RALGAPB: variants seen among roughly 807,000 people sequenced by gnomAD.
RALGAPB encodes the protein Ral GTPase activating protein non-catalytic subunit beta, also known as ral GTPase-activating protein subunit beta.
RALGAPB carries 25 observed loss-of-function variants against 161.1 expected under a neutral mutation model. The ratio of observed to expected loss-of-function variants is 0.16; its 90% CI spans 0.11 to 0.22. The LOEUF (loss-of-function observed/expected upper bound fraction) is 0.22, where lower values mean the gene tolerates loss of function less well. RALGAPB is among the 10% of genes least tolerant of loss of function. The pLI is 1.00. For missense variants in RALGAPB, 1,391 were observed against 1,815.2 expected (o/e 0.77, Z 4.25); for synonymous variants, 629 against 626.1 (o/e 1.00, Z -0.07).
chr20:38,537,238 A>AC (rs2086833493), intron 16 of RALGAPB, among the ~76,000 whole-genome samples: 1 of 152,180 alleles, frequency 6.6e-6, no homozygotes, highest in Non-Finnish European at 1.5e-5. Context: ...AATTCAAAGG[A>AC]GAAAGGGTGG....
chr20:38,499,370 T>C, intron 4 of RALGAPB, 77 bp from the exon 5 acceptor site: 1 of 1,274,230 alleles, frequency 7.8e-7, no homozygotes, highest in Non-Finnish European at 1.1e-6. Flanking sequence ...TTTTGACCAG[T>C]TCTCCCAAAT....
At chr20:38,474,586 C>A (rs973628991) in intron 1 of RALGAPB, among the ~76,000 whole-genome samples, 3 of 152,098 alleles carry the variant, frequency 2.0e-5, no homozygotes, top group Non-Finnish European at 2.9e-5. Flanking sequence ...GCCTACATAC[C>A]CTTTTCTTCC....
chr20:38,548,256 C>G (rs1222895054), intron 19 of RALGAPB: 3 of 158,226 alleles, frequency 1.9e-5, no homozygotes, highest in African/African-American at 7.2e-5. Context: ...AACACTAACA[C>G]TGCAAACACC....
rs1460298980 is a variant in RALGAPB, at chr20:38,576,330, C to T, written c.*1363C>T. 2 of 152,638 alleles carry T rather than the reference C, an allele frequency of 1.3e-5. No individual in the cohort carries two copies. The highest frequency in any genetic ancestry group is 2.9e-5 in the Non-Finnish European group (2 of 68,066). 9.5% of individuals were successfully genotyped at this position (152,638 alleles called of 1,614,324 possible). ...TTCCCACTTGAACTCTGATGTCAGTCGACTGTGGGTCAGAGCTACAACCAT... is the reference window on the plus strand; with the variant it reads ...TTCCCACTTGAACTCTGATGTCAGTTGACTGTGGGTCAGAGCTACAACCAT... On this transcript the variant is annotated 3_prime_UTR_variant, in exon 30 of 30. Coordinates refer to ENST00000262879, the MANE Select transcript of RALGAPB (RefSeq NM_020336.4).
chr20:38,548,006 A>G (rs1324217270), intron 19 of RALGAPB: 1 of 152,216 alleles, frequency 6.6e-6, no homozygotes, highest in Non-Finnish European at 1.5e-5. Flanking sequence ...AGCAATTGGA[A>G]TTGTATAGAT....
At chr20:38,555,776 GT>G (rs992766175) in intron 22 of RALGAPB, among the ~76,000 whole-genome samples, 61 of 152,218 alleles carry the variant, frequency 4.0e-4, no homozygotes, top group African/African-American at 1.3e-3. Flanking sequence ...AAGTTACCTG[GT>G]TTATGAACCT....
intron 19 of RALGAPB, 104 bp from the exon 20 acceptor site, chr20:38,548,585 C>A: frequency 1.1e-6 from 1 of 877,552 alleles, no homozygotes; most frequent in Non-Finnish European, 1.8e-6. Context: ...GCTTAGGAAA[C>A]ACTGTTGGGC....
Position 38,553,978 on chromosome 20 carries a change from C to G in RALGAPB, c.3274C>G (p.Pro1092Ala). ...EELQKRSFPD[P>A]VTDCKPPPPA... ...ATTGCAGAAGAGAAGTTTTCCTGAC[C>G]CAGTTACGGATTGCAAGCCCCCGCC... Residue 1092 changes from proline to alanine, a missense_variant, in exon 22 of 30, where the codon CCA becomes GCA. Transcript: ENST00000262879. 6.2e-7 allele frequency: 1 copy of G among 1,613,424 alleles called. No individual in the cohort carries two copies. The highest frequency in any genetic ancestry group is 8.5e-7 in the Non-Finnish European group (1 of 1,179,572).
In RALGAPB at chr20:38,518,020, T is replaced by C; in HGVS notation, c.1417+20T>C. On this transcript the variant is annotated intron_variant, in intron 9 of 29. Transcript: ENST00000262879. Reference sequence around the variant, plus strand: ...TGACTGGTAAATATTACTCAAGAAATATGTTATCATTATTTTCCTTTTCCT... The same window carrying C: ...TGACTGGTAAATATTACTCAAGAAACATGTTATCATTATTTTCCTTTTCCT... 6.4e-7 allele frequency: 1 copy of C among 1,571,282 alleles called. No individual in the cohort carries two copies. Among genetic ancestry groups the C allele is most frequent in the African/African-American group, 1.4e-5 (1 of 74,038 alleles).
At chr20:38,490,502 C>T (rs1349455141) in intron 2 of RALGAPB, among the ~76,000 whole-genome samples, 1 of 149,040 alleles carries the variant, frequency 6.7e-6, no homozygotes, top group East Asian at 2.0e-4. Flanking sequence ...GCCACCGCGC[C>T]CGGCCTATTT....
Position 38,572,556 on chromosome 20 carries a change from C to T in RALGAPB, c.4143-1594C>T, listed in dbSNP as rs150073950. Among the ~76,000 whole-genome samples, 134 of 152,268 alleles carry T rather than the reference C, an allele frequency of 8.8e-4. 1 individual carries two copies. Among genetic ancestry groups the T allele is most frequent in the Non-Finnish European group, 6.6e-4 (45 of 68,026 alleles). ...TTTAAGTTCCTTTTAGTTATGTGAG[C>T]TGATTCAAATTGCATATAAGATGAA... On this transcript the variant is annotated intron_variant, in intron 28 of 29. Coordinates refer to ENST00000262879, the MANE Select transcript of RALGAPB (RefSeq NM_020336.4).
At chr20:38,473,122 T>C in intron 1 of RALGAPB, 53 bp downstream of exon 1, 1 of 337,892 alleles carries the variant, frequency 3.0e-6, no homozygotes, top group Non-Finnish European at 5.3e-6. Context: ...TCCTTCCCTC[T>C]CTTCCCCACC....
intron 5 of RALGAPB, among the ~76,000 whole-genome samples, chr20:38,507,579 C>CAT (rs1184333305): frequency 6.6e-6 from 1 of 152,084 alleles, no homozygotes; most frequent in African/African-American, 2.4e-5. Context: ...TTTTGCATAT[C>CAT]GCCCAGGCAG....
At position 38,575,221 on chromosome 20, in the gene RALGAPB, A is replaced by G; in HGVS notation, c.*254A>G. On this transcript the variant is annotated 3_prime_UTR_variant, in exon 30 of 30. Transcript: ENST00000262879. ...ATTTTAGCCATAAACTTTCTTTTAA[A>G]AGTGACAATTTTAGTTAAACATAAG... 1 of 386,624 alleles carries G rather than the reference A, an allele frequency of 2.6e-6. No individual in the cohort carries two copies. The highest frequency in any genetic ancestry group is 4.7e-5 in the South Asian group (1 of 21,404). 23.9% of individuals were successfully genotyped at this position (386,624 alleles called of 1,614,324 possible). A position where few individuals can be genotyped will look rare whatever the true frequency, so the allele number is the denominator to read the frequency against.
Position 38,516,581 on chromosome 20 carries a change from G to A in RALGAPB, c.1051+211G>A, listed in dbSNP as rs750604040. 5.9e-5 allele frequency: 30 copies of A among 505,018 alleles called. No individual in the cohort carries two copies. In the East Asian group the frequency reaches 9.8e-4, roughly 17 times the overall value. The allele number at this position is 505,018 out of a possible 1,614,324, so 31.3% of individuals were successfully genotyped here. A position where few individuals can be genotyped will look rare whatever the true frequency, so the allele number is the denominator to read the frequency against. ...TTTAGATTGGTGCAAAAGTAATTGC[G>A]GTTTTTGCCATTAAAAGTAATGCGG... On this transcript the variant is annotated intron_variant, in intron 7 of 29. Transcript: ENST00000262879.
chr20:38,487,554 GA>G (rs1568901946), intron 1 of RALGAPB, among the ~76,000 whole-genome samples: 2 of 152,236 alleles, frequency 1.3e-5, no homozygotes, highest in East Asian at 1.9e-4. Context: ...AGTTTAGTGC[GA>G]AAAGGATGTA....
At chr20:38,543,909 A>G (rs968555339) in intron 18 of RALGAPB, among the ~76,000 whole-genome samples, 6 of 152,184 alleles carry the variant, frequency 3.9e-5, no homozygotes, top group Non-Finnish European at 4.4e-5. Context: ...GTACCTGGTT[A>G]CATGTGATCC....
At position 38,551,093 on chromosome 20, in the gene RALGAPB, C is replaced by G. The variant is rs776593344; in HGVS notation, c.3032C>G (p.Pro1011Arg). The change falls in exon 21 of 30, where the codon CCA becomes CGA. Residue 1011 changes from proline to arginine, a missense_variant. By Grantham distance (103) the Pro-to-Arg change is moderately radical (BLOSUM62 -2). This residue lies in a region of RALGAPB where 946 missense variants were observed against 1,257.2 expected (regional missense o/e 0.75). Transcript: ENST00000262879. ...CAGCTTTTTGTACCTGAACCTCGCC[C>G]AGTTCCTAAAAATGACGTTGGATTT... ...NQKLFVPEPR[P>R]VPKNDVGFKY... The G allele has an allele frequency of 6.2e-7, 1 of 1,613,890 alleles. No homozygotes were observed. Among genetic ancestry groups the G allele is most frequent in the South Asian group, 1.1e-5 (1 of 91,068 alleles).
chr20:38,480,100 G>T (rs113192090), intron 1 of RALGAPB, among the ~76,000 whole-genome samples: 3 of 151,898 alleles, frequency 2.0e-5, no homozygotes, highest in African/African-American at 7.3e-5. Context: ...TCATGCCTCA[G>T]GTTCCCGAAT....
Sources: gnomAD v4.1 joint callset for allele counts (sites outside exome capture counted in the v4.1 genomes callset) on GRCh38, gnomAD v4.1.1 for gene constraint, gnomAD v4.1.1 regional missense constraint, MANE v1.5 for transcripts, NCBI Gene and HGNC (gene_info 2026-07-23, HGNC 2026-07-21) for gene names.